Variants in DPP8 observed in about 807,000 individuals in gnomAD.
The protein encoded by DPP8 is dipeptidyl peptidase 8, also known as DPP VIII.
DPP8 carries 31 observed loss-of-function variants against 107.5 expected under a neutral mutation model. That is an observed-to-expected ratio of 0.29 (90% CI 0.22 to 0.39). DPP8 has a LOEUF of 0.39. Ranked by LOEUF, DPP8 falls within the 10% of genes least tolerant of loss-of-function variation. The probability of loss-of-function intolerance (pLI) is 1.00; values close to 1 mark genes in which losing one functional copy is unlikely to be tolerated. For missense variants in DPP8, 842 were observed against 1,076.1 expected (o/e 0.78, Z 3.04); for synonymous variants, 381 against 356.6 (o/e 1.07, Z -0.77).
chr15:65,503,438 C>T (rs967847249), intron 3 of DPP8, among the ~76,000 whole-genome samples: 3 of 150,508 alleles, frequency 2.0e-5, no homozygotes, highest in African/African-American at 2.4e-5. Flanking sequence ...TTACTTTTTT[C>T]TTTCTTTTCT....
At chr15:65,481,437 G>T in intron 9 of DPP8, 78 bp downstream of exon 9, 1 of 1,019,378 alleles carries the variant, frequency 9.8e-7, no homozygotes, top group Non-Finnish European at 1.5e-6. Flanking sequence ...CAACTACAAG[G>T]CAAACCTAAT....
Position 65,504,679 on chromosome 15 carries a change from A to AC in DPP8, c.372+2563_372+2564insG, listed in dbSNP as rs946209545. On this transcript the variant is annotated intron_variant, in intron 3 of 19. Coordinates refer to ENST00000300141, the MANE Select transcript of DPP8 (RefSeq NM_130434.5). ...CAAGATTCCGTCTCAAAAAAAAAAA[A>AC]AAAAAAACTGTGGTAGAACATGCTG... Among the ~76,000 whole-genome samples the AC allele has an allele frequency of 2.6e-5, 4 of 151,128 alleles. No individual in the cohort carries two copies. In the South Asian group the frequency reaches 8.4e-4, roughly 32 times the overall value.
chr15:65,511,430 A>T (rs879484903), intron 2 of DPP8, among the ~76,000 whole-genome samples: 130 of 149,596 alleles, frequency 8.7e-4, no homozygotes, highest in African/African-American at 1.3e-3. Context: ...CGAAGTTTTT[A>T]AAAAAAAAAT....
chr15:65,488,082 T>A (rs978251262), intron 6 of DPP8, among the ~76,000 whole-genome samples: 11 of 152,334 alleles, frequency 7.2e-5, no homozygotes, highest in Admixed American at 5.9e-4. Flanking sequence ...TAGGACTTTG[T>A]TCTTGCATAC....
chr15:65,510,666 G>A (rs1240257300), intron 2 of DPP8, among the ~76,000 whole-genome samples: 1 of 152,130 alleles, frequency 6.6e-6, no homozygotes, highest in Non-Finnish European at 1.5e-5. Flanking sequence ...AGCCTCCCAA[G>A]TAGCTGGGAT....
intron 16 of DPP8, chr15:65,455,982 G>T: frequency 2.3e-6 from 2 of 863,446 alleles, no homozygotes; most frequent in Non-Finnish European, 3.4e-6. Context: ...CTACCCAAGT[G>T]GACATACAAA....
At chr15:65,470,150 G>A (rs1242576606) in intron 12 of DPP8, among the ~76,000 whole-genome samples, 11 of 124,990 alleles carry the variant, frequency 8.8e-5, no homozygotes, top group East Asian at 2.5e-4. Flanking sequence ...AGCTGAGATC[G>A]CACTACTGCA....
chr15:65,456,783 T>C (rs1357497926), intron 15 of DPP8, among the ~76,000 whole-genome samples: 1 of 152,142 alleles, frequency 6.6e-6, no homozygotes, highest in Non-Finnish European at 1.5e-5. Flanking sequence ...TGCCTACCAT[T>C]ACCCTTCAGA....
chr15:65,452,225 C>T (rs1319752047), intron 17 of DPP8, 123 bp from the exon 18 acceptor site: 1 of 1,115,774 alleles, frequency 9.0e-7, no homozygotes, highest in Admixed American at 3.1e-5. Flanking sequence ...ACTACTGGCG[C>T]ATACATGTCT....
rs2063792099 is a variant in DPP8, at chr15:65,449,288, T to C, written c.2526+1711A>G. Among the ~76,000 whole-genome samples the C allele has an allele frequency of 3.4e-5, 5 of 147,602 alleles. No individual in the cohort carries two copies. In the South Asian group the frequency reaches 1.1e-3, roughly 31 times the overall value. On this transcript the variant is annotated intron_variant, in intron 19 of 19. Transcript: ENST00000300141. ...TATATAATAAAAAGTATATATAATATATATATTTAAAACAACAAAAACAAA... is the reference window on the plus strand; with the variant it reads ...TATATAATAAAAAGTATATATAATACATATATTTAAAACAACAAAAACAAA...
intron 8 of DPP8, among the ~76,000 whole-genome samples, chr15:65,483,617 A>AAC (rs1567219431): frequency 4.0e-5 from 6 of 151,046 alleles, no homozygotes; most frequent in African/African-American, 1.5e-4. Flanking sequence ...AATAAAATAA[A>AAC]ATAAAATAAA....
chr15:65,505,371 G>C (rs2141040589), intron 3 of DPP8, among the ~76,000 whole-genome samples: 1 of 150,540 alleles, frequency 6.6e-6, no homozygotes, highest in East Asian at 2.0e-4. Context: ...AAAAAAAATA[G>C]TCTGAGCAGT....
chr15:65,467,108 G>A lies in DPP8; in HGVS notation c.1652C>T (p.Thr551Ile). 1.2e-6 allele frequency: 2 copies of A among 1,614,172 alleles called. No individual in the cohort carries two copies. The highest frequency in any genetic ancestry group is 1.7e-6 in the Non-Finnish European group (2 of 1,180,024). The change falls in exon 13 of 20, where the codon ACT becomes ATT. Residue 551 changes from threonine (T) to isoleucine (I), a missense_variant. Transcript: ENST00000300141. ...YVNPGEVTRL[T>I]DRGYSHSCCI... ...GCAAGAATGTGAGTAGCCACGGTCAGTCAGCCTTGTCACCTCTCCAGGATT... is the reference window on the plus strand; with the variant it reads ...GCAAGAATGTGAGTAGCCACGGTCAATCAGCCTTGTCACCTCTCCAGGATT...
chr15:65,507,385 T>C (rs752672074), intron 2 of DPP8, 30 bp from the exon 3 acceptor site: 2 of 1,407,636 alleles, frequency 1.4e-6, no homozygotes, highest in Non-Finnish European at 2.0e-6. Context: ...TTTATTATTA[T>C]TTTTTCGAAT....
rs2063405305 is a variant in DPP8, at chr15:65,444,168, C to T, written c.*2716G>A. 6.6e-6 allele frequency: 1 copy of T among 152,256 alleles called. No homozygotes were observed. The highest frequency in any genetic ancestry group is 2.4e-5 in the African/African-American group (1 of 41,468). The allele number at this position is 152,256 out of a possible 1,614,324, so 9.4% of individuals were successfully genotyped here. A position where few individuals can be genotyped will look rare whatever the true frequency, so the allele number is the denominator to read the frequency against. ...TCCTGACTTCAAGTGATTCACCCGCCTTGGCCTCCCAAAGTGCTAGGATTA... is the reference window on the plus strand; with the variant it reads ...TCCTGACTTCAAGTGATTCACCCGCTTTGGCCTCCCAAAGTGCTAGGATTA... On this transcript the variant is annotated 3_prime_UTR_variant, in exon 20 of 20. Transcript: ENST00000300141.
Position 65,497,898 on chromosome 15 carries a change from G to A in DPP8, c.681C>T (p.Thr227=), listed in dbSNP as rs760381987. 6.3e-7 allele frequency: 1 copy of A among 1,586,200 alleles called. No homozygotes were observed. The highest frequency in any genetic ancestry group is 1.3e-5 in the African/African-American group (1 of 74,624). ...CATAAGTGAGTCTCCTTTCTTCTCT[G>A]GTTACGATGTTAGATATCCAAATAT... ...SNDIWISNIV[T]REERRLTYVH... The change falls in exon 5 of 20, where the codon ACC becomes ACT. Residue 227 remains threonine, a synonymous_variant. Transcript: ENST00000300141.
rs935357549 is a variant in DPP8 at position 65,446,937 on chromosome 15, G to A, written c.2596C>T (p.His866Tyr). Residue 866 changes from histidine to tyrosine, a missense_variant, in exon 20 of 20, where the codon CAC becomes TAC. Physicochemically the swap from His to Tyr is moderately conservative, Grantham distance 83. Transcript: ENST00000300141. Reference sequence around the variant, plus strand: ...GATCCAAGGTTTTCTTGAAGGTAGTGCAAAAGATGCAGTTCATAATGTTCT... The same window carrying A: ...GATCCAAGGTTTTCTTGAAGGTAGTACAAAAGATGCAGTTCATAATGTTCT... ...SGEHYELHLL[H>Y]YLQENLGSRI... 6 of 1,612,536 alleles carry A rather than the reference G, an allele frequency of 3.7e-6. No homozygotes were observed. Among genetic ancestry groups the A allele is most frequent in the Admixed American group, 3.3e-5 (2 of 59,940 alleles).
chr15:65,512,153 C>G (rs775443935), intron 2 of DPP8, 142 bp downstream of exon 2: 1 of 846,432 alleles, frequency 1.2e-6, no homozygotes, highest in Non-Finnish European at 1.9e-6. Flanking sequence ...AAATCGAATT[C>G]TTCAAATTAT....
At chr15:65,480,151 T>C (rs2066782387) in intron 10 of DPP8, 71 bp downstream of exon 10, 1 of 1,376,344 alleles carries the variant, frequency 7.3e-7, no homozygotes, top group Non-Finnish European at 9.9e-7. Flanking sequence ...ATTTTGATAG[T>C]TTGCTATATA....
Sources: gnomAD v4.1 joint callset for allele counts (sites outside exome capture counted in the v4.1 genomes callset) on GRCh38, gnomAD v4.1.1 for gene constraint, MANE v1.5 for transcripts, NCBI Gene and HGNC (gene_info 2026-07-23, HGNC 2026-07-21) for gene names.